The following CDT1 variants were observed in gnomAD, a reference collection of about 807,000 sequenced individuals.
The protein encoded by CDT1 is chromatin licensing and DNA replication factor 1.
A neutral mutation model predicts 49.3 loss-of-function variants in CDT1; 66 were observed. The observed-to-expected ratio is 1.34, with a 90% CI of 1.10 to 1.64. The LOEUF is 1.64. Among genes scored for constraint, CDT1 ranks in the 40% most tolerant of loss-of-function variants. CDT1 has a pLI of 0.00. For missense variants in CDT1, 958 were observed against 807.7 expected (o/e 1.19, Z -2.26); for synonymous variants, 424 against 347.4 (o/e 1.22, Z -2.45).
intron 6 of CDT1, 99 bp from the exon 7 acceptor site, chr16:88,806,387 G>A (rs1019074397): frequency 4.1e-5 from 58 of 1,411,240 alleles, no homozygotes; most frequent in Non-Finnish European, 1.8e-5. Context: ...TGACTTGCCC[G>A]AGGCGGCCCG....
rs755972697 is a variant in CDT1, at chr16:88,806,068, C to T, written c.880C>T (p.Arg294Ter). 20 of 1,601,438 alleles carry T rather than the reference C, an allele frequency of 1.2e-5. No homozygotes were observed. Among genetic ancestry groups the T allele is most frequent in the Admixed American group, 1.7e-5 (1 of 59,224 alleles). Residue 294 changes from arginine (R) to a stop codon, truncating the protein, a stop_gained, in exon 6 of 10, where the codon CGA becomes TGA. Transcript: ENST00000301019. LOFTEE classifies it high-confidence loss of function. ...GCTCACGGCCTCGCGCCTCCTGCAGCGACGGCAGATCTTCAGCCAGAAGCT... is the reference window on the plus strand; with the variant it reads ...GCTCACGGCCTCGCGCCTCCTGCAGTGACGGCAGATCTTCAGCCAGAAGCT... Reference protein sequence around the residue: ...PQLTASRLLQRRQIFSQKLVE... With the variant: ...PQLTASRLLQ
At chr16:88,806,241 G>T (rs911978024) in intron 6 of CDT1, 120 bp downstream of exon 6, 46 of 1,113,376 alleles carry the variant, frequency 4.1e-5, no homozygotes, top group East Asian at 3.3e-4. Flanking sequence ...ACTGGGCTGG[G>T]TTCACCCTGA....
Position 88,807,495 on chromosome 16 carries a change from CGGGGTGAAGGGGCGTGCAGGGT to C in CDT1, c.1477+16_1477+37del. On this transcript the variant is annotated intron_variant, in intron 9 of 9. Transcript: ENST00000301019. ...ATCATGAGCCCTGGTACGTGCAGGG[CGGGGTGAAGGGGCGTGCAGGGT>C]GGAATTGCCTGGTGCTGCAGCTGCC... is the stretch of plus-strand genomic sequence containing the variant. The C allele has an allele frequency of 6.2e-7, 1 of 1,611,142 alleles. No homozygotes were observed. The highest frequency in any genetic ancestry group is 8.5e-7 in the Non-Finnish European group (1 of 1,178,836).
Position 88,805,461 on chromosome 16 carries a change from C to T in CDT1, c.510C>T (p.Tyr170=), listed in dbSNP as rs1211932576. 1.2e-6 allele frequency: 2 copies of T among 1,612,670 alleles called. No individual in the cohort carries two copies. The highest frequency in any genetic ancestry group is 1.7e-6 in the Non-Finnish European group (2 of 1,179,950). The change falls in exon 4 of 10, where the codon TAC becomes TAT. Residue 170 remains tyrosine (Y), a synonymous_variant. Coordinates refer to ENST00000301019, the MANE Select transcript of CDT1 (RefSeq NM_030928.4). ...EEPCGEKAPA[Y]QRFHALAQPG... is the part of the protein sequence containing the mutation. Reference sequence around the variant, plus strand: ...ACAGTGGCGAGAAGGCGCCCGCCTACCAGCGCTTCCATGCCCTGGCCCAGC... The same window carrying T: ...ACAGTGGCGAGAAGGCGCCCGCCTATCAGCGCTTCCATGCCCTGGCCCAGC...
In CDT1 at chr16:88,809,167, G is replaced by A. The variant is rs1908998865; in HGVS notation, c.*889G>A. ...TGGGCAGGACAAGTAGGACATCCCT[G>A]GAGCCTCCAGAAGGGACTGGCCTCT... On this transcript the variant is annotated 3_prime_UTR_variant, in exon 10 of 10. Coordinates refer to ENST00000301019, the MANE Select transcript of CDT1 (RefSeq NM_030928.4). 6.4e-6 allele frequency: 2 copies of A among 313,538 alleles called. No homozygotes were observed. Among genetic ancestry groups the A allele is most frequent in the Non-Finnish European group, 6.3e-6 (1 of 159,374 alleles). 19.4% of individuals were successfully genotyped at this position (313,538 alleles called of 1,614,324 possible).
rs756607694 is a variant in CDT1 at position 88,804,802 on chromosome 16, G to A, written c.392G>A (p.Arg131Gln). Residue 131 changes from arginine (R) to glutamine (Q), a missense_variant, in exon 3 of 10, where the codon CGG becomes CAG. Transcript: ENST00000301019. ...SELASCLQRA[R>Q]ELGARVRALK... is the part of the protein sequence containing the mutation. ...CTTGCGTCATGCCTGCAACGGGCCC[G>A]GGAGCTGGGGGCAAGAGTCCGGGCG... 7 of 1,612,616 alleles carry A rather than the reference G, an allele frequency of 4.3e-6. No homozygotes were observed. The highest frequency in any genetic ancestry group is 3.3e-4 in the Middle Eastern group (2 of 6,084).
At chr16:88,804,728 C>T (rs752117510) in intron 2 of CDT1, 34 bp from the exon 3 acceptor site, 1 of 1,612,696 alleles carries the variant, frequency 6.2e-7, no homozygotes, top group Non-Finnish European at 8.5e-7. Context: ...TGCCTGCCTG[C>T]CTGACGGCAC....
In CDT1 at chr16:88,807,332, G is replaced by A; in HGVS notation, c.1327G>A (p.Glu443Lys). The A allele has an allele frequency of 6.2e-7, 1 of 1,612,618 alleles. No homozygotes were observed. Among genetic ancestry groups the A allele is most frequent in the Non-Finnish European group, 8.5e-7 (1 of 1,179,954 alleles). ...GCTGGCACAGATGACGCGGTGCCCG[G>A]AGCAGGAGCAGCGGCTGCAGCGCTT... ...KQLAQMTRCP[E>K]QEQRLQRLER... The change falls in exon 9 of 10, where the codon GAG (glutamate) becomes AAG (lysine). Residue 443 changes from glutamate (E) to lysine (K), a missense_variant. Glu to Lys is a moderately conservative substitution (Grantham distance 56). Coordinates refer to ENST00000301019, the MANE Select transcript of CDT1 (RefSeq NM_030928.4).
In CDT1 at chr16:88,808,325, C is replaced by G. The variant is rs753501287; in HGVS notation, c.*47C>G. ...GACGTGGGCTTCAGAAGCTCGCTGG[C>G]CTGGGCCCACCAGCATTTTCTTTTA... is the stretch of plus-strand genomic sequence containing the variant. On this transcript the variant is annotated 3_prime_UTR_variant, in exon 10 of 10. Coordinates refer to ENST00000301019, the MANE Select transcript of CDT1 (RefSeq NM_030928.4). 2.0e-6 allele frequency: 3 copies of G among 1,532,380 alleles called. No homozygotes were observed. Among genetic ancestry groups the G allele is most frequent in the African/African-American group, 2.7e-5 (2 of 72,812 alleles). 94.9% of individuals were successfully genotyped at this position (1,532,380 alleles called of 1,614,324 possible). A position where few individuals can be genotyped will look rare whatever the true frequency, so the allele number is the denominator to read the frequency against.
rs1225875021 is a variant in CDT1 at position 88,805,299 on chromosome 16, G to A, written c.489-141G>A. 6 of 962,324 alleles carry A rather than the reference G, an allele frequency of 6.2e-6. No homozygotes were observed. In the Admixed American group the frequency reaches 9.9e-5, roughly 16 times the overall value. 59.6% of individuals were successfully genotyped at this position (962,324 alleles called of 1,614,324 possible). ...TGCTACCCCTAACGGTGCCAGTGCT[G>A]GTGGGTGTGCAAGGGCCGCGAAAGC... On this transcript the variant is annotated intron_variant, in intron 3 of 9. Transcript: ENST00000301019.
At chr16:88,807,813 G>A (rs1424436941) in intron 9 of CDT1, among the ~76,000 whole-genome samples, 1 of 152,206 alleles carries the variant, frequency 6.6e-6, no homozygotes, top group African/African-American at 2.4e-5. Flanking sequence ...ACCAGGCCCT[G>A]AGCACATAGG....
chr16:88,807,169 C>T lies in CDT1; in HGVS notation c.1241C>T (p.Ala414Val). 6.2e-7 allele frequency: 1 copy of T among 1,612,532 alleles called. No individual in the cohort carries two copies. The change falls in exon 8 of 10, where the codon GCT becomes GTT. Residue 414 changes from alanine (A) to valine (V), a missense_variant. Physicochemically the swap from Ala to Val is moderately conservative, Grantham distance 64. Transcript: ENST00000301019. ...ACCCCGCCTGCAGCCTCTCCCAGTG[C>T]TCTGAAGGGGGTGTCCCAGGATCTG... is the stretch of plus-strand genomic sequence containing the variant. ...PATPPAASPS[A>V]LKGVSQDLLE...
chr16:88,803,841 C>A lies in CDT1; in HGVS notation c.10C>A (p.Arg4Ser), dbSNP rs757462069. 2 of 1,506,198 alleles carry A rather than the reference C, an allele frequency of 1.3e-6. No homozygotes were observed. Among genetic ancestry groups the A allele is most frequent in the Non-Finnish European group, 1.8e-6 (2 of 1,127,734 alleles). 93.3% of individuals were successfully genotyped at this position (1,506,198 alleles called of 1,614,324 possible). The change falls in exon 1 of 10, where the codon CGC becomes AGC. Residue 4 changes from arginine to serine, a missense_variant. Physicochemically the swap from Arg to Ser is moderately radical, Grantham distance 110. Coordinates refer to ENST00000301019, the MANE Select transcript of CDT1 (RefSeq NM_030928.4). Reference sequence around the variant, plus strand: ...CGCGCACTCCGCCGCCATGGAGCAGCGCCGCGTCACCGACTTCTTCGCGCG... The same window carrying A: ...CGCGCACTCCGCCGCCATGGAGCAGAGCCGCGTCACCGACTTCTTCGCGCG... Reference protein sequence around the residue: MEQRRVTDFFARRR... With the variant: MEQSRVTDFFARRR...
rs1908784783 is a variant in CDT1, at chr16:88,804,777, C to T, written c.367C>T (p.Leu123Phe). The T allele has an allele frequency of 6.2e-7, 1 of 1,612,758 alleles. No homozygotes were observed. The highest frequency in any genetic ancestry group is 8.5e-7 in the Non-Finnish European group (1 of 1,179,890). ...SAQDQDTISE[L>F]ASCLQRAREL... ...CCCCCTGAAGGACACCATCTCTGAG[C>T]TTGCGTCATGCCTGCAACGGGCCCG... Residue 123 changes from leucine to phenylalanine, a missense_variant, in exon 3 of 10, where the codon CTT becomes TTT. Leu to Phe is a conservative substitution (Grantham distance 22). Transcript: ENST00000301019.
At position 88,808,275 on chromosome 16, in the gene CDT1, G is replaced by A; in HGVS notation, c.1638G>A (p.Leu546=). The change falls in exon 10 of 10, where the codon CTG becomes CTA. Residue 546 remains leucine (L), a synonymous_variant. Coordinates refer to ENST00000301019, the MANE Select transcript of CDT1 (RefSeq NM_030928.4). ...ACCAGACACGTGCTGAGGAGGGGCT[G>A]TGAGCCTGGGGGCCACTGTGGACAG... ...LAHQTRAEEG[L] The A allele has an allele frequency of 6.3e-7, 1 of 1,584,962 alleles. No individual in the cohort carries two copies. The highest frequency in any genetic ancestry group is 8.6e-7 in the Non-Finnish European group (1 of 1,166,022).
chr16:88,806,538 C>G lies in CDT1; in HGVS notation c.986C>G (p.Thr329Ser). The G allele has an allele frequency of 1.2e-6, 2 of 1,609,902 alleles. No homozygotes were observed. Among genetic ancestry groups the G allele is most frequent in the South Asian group, 2.2e-5 (2 of 90,466 alleles). ...PAMVVPEDQL[T>S]RWHPRFNVDE... ...ATGGTGGTGCCGGAGGACCAGCTGA[C>G]CCGCTGGCACCCGCGCTTCAACGTG... Residue 329 changes from threonine to serine, a missense_variant, in exon 7 of 10, where the codon ACC becomes AGC. Physicochemically the swap from Thr to Ser is moderately conservative, Grantham distance 58. Transcript: ENST00000301019.
chr16:88,805,616 G>A lies in CDT1; in HGVS notation c.665G>A (p.Gly222Asp), dbSNP rs1332733359. The A allele has an allele frequency of 1.2e-6, 2 of 1,612,764 alleles. No individual in the cohort carries two copies. The highest frequency in any genetic ancestry group is 1.7e-6 in the Non-Finnish European group (2 of 1,179,970). Residue 222 changes from glycine (G) to aspartate (D), a missense_variant, in exon 4 of 10, where the codon GGC becomes GAC. Physicochemically the swap from Gly to Asp is moderately conservative, Grantham distance 94 (BLOSUM62 -1). Transcript: ENST00000301019. ...CCCACCTTTGCCAAGGTCCAGCGGG[G>A]CGTCCAGGACATGATGCGTAGGTGA... ...ETPTFAKVQR[G>D]VQDMMRRRFE...
In CDT1 at chr16:88,805,863, G is replaced by C. The variant is rs761162797; in HGVS notation, c.826G>C (p.Glu276Gln). 4 of 1,612,974 alleles carry C rather than the reference G, an allele frequency of 2.5e-6. No individual in the cohort carries two copies. The highest frequency in any genetic ancestry group is 3.4e-6 in the Non-Finnish European group (4 of 1,179,954). Reference protein sequence around the residue: ...DYQLTIEPLLEQEADGAAPQL... With the variant: ...DYQLTIEPLLQQEADGAAPQL... ...CCAGCTCACCATCGAGCCACTGCTG[G>C]AGCAGGGTGAGTGCTGGGTGCGGGA... Residue 276 changes from glutamate to glutamine, a missense_variant, in exon 5 of 10, where the codon GAG becomes CAG. Glu to Gln is a conservative substitution (Grantham distance 29). Coordinates refer to ENST00000301019, the MANE Select transcript of CDT1 (RefSeq NM_030928.4).
rs775967677 is a variant in CDT1, at chr16:88,806,054, C to T, written c.866C>T (p.Ser289Leu). 5.9e-5 allele frequency: 94 copies of T among 1,598,204 alleles called. 1 individual carries two copies. The Admixed American group carries it at 1.5e-3, about 25-fold the overall frequency. The change falls in exon 6 of 10, where the codon TCG becomes TTG. Residue 289 changes from serine (S) to leucine (L), a missense_variant. Transcript: ENST00000301019. Reference sequence around the variant, plus strand: ...GGAGCAGCCCCCCAGCTCACGGCCTCGCGCCTCCTGCAGCGACGGCAGATC... The same window carrying T: ...GGAGCAGCCCCCCAGCTCACGGCCTTGCGCCTCCTGCAGCGACGGCAGATC... ...ADGAAPQLTA[S>L]RLLQRRQIFS...
Sources: allele counts gnomAD v4.1 joint callset (sites outside exome capture counted in the v4.1 genomes callset), GRCh38; gene constraint gnomAD v4.1.1; transcripts MANE v1.5; gene names NCBI Gene and HGNC (gene_info 2026-07-23, HGNC 2026-07-21).